The following ADAMTSL3 variants were observed in gnomAD, a reference collection of about 807,000 sequenced individuals.
ADAMTSL3 encodes ADAMTS-like protein 3.
ADAMTSL3 carries 128 observed loss-of-function variants against 201.7 expected under a neutral mutation model. The ratio of observed to expected loss-of-function variants is 0.63; its 90% confidence interval spans 0.55 to 0.73. ADAMTSL3 has a LOEUF of 0.73. Among genes scored for constraint, ADAMTSL3 ranks in the 30% least tolerant of loss-of-function variants. ADAMTSL3 has a pLI of 0.00. For synonymous variants in ADAMTSL3, 738 were observed against 748.4 expected, an observed-to-expected ratio of 0.99 and a Z score of 0.23; for missense variants, 1,990 against 2,119.6, an observed-to-expected ratio of 0.94 and a Z score of 1.20.
Position 83,785,264 on chromosome 15 carries a change from A to C in ADAMTSL3, c.317+11614A>C, listed in dbSNP as rs76736757. ...CCATGGACCACACTTCAAGCAGCAA[A>C]ATTTTATAGACTTTTTAATTTCAGG... On this transcript the variant is annotated intron_variant, in intron 4 of 29. Transcript: ENST00000286744. Among the ~76,000 whole-genome samples the C allele has an allele frequency of 9.4e-3, 1,432 of 152,270 alleles. 22 individuals carry two copies. The highest frequency in any genetic ancestry group is 0.032 in the African/African-American group (1,345 of 41,550).
rs118099557 is a variant in ADAMTSL3 at position 84,025,327 on chromosome 15, A to T, written c.4547A>T (p.Asn1516Ile). The change falls in exon 27 of 30, where the codon AAT becomes ATT. Residue 1516 changes from asparagine to isoleucine, a missense_variant. Physicochemically the swap from Asn to Ile is moderately radical, Grantham distance 149 (BLOSUM62 -3). Transcript: ENST00000286744. ...RQVTCKRTKA[N>I]GTVQVVSPRA... is the part of the protein sequence containing the mutation. ...GTGACGTGCAAGCGGACAAAAGCCA[A>T]TGGAACTGTGCAGGTGGTGTCTCCA... 12,404 of 1,614,160 alleles carry T rather than the reference A, an allele frequency of 7.7e-3. 66 individuals are homozygous for T. Among genetic ancestry groups the T allele is most frequent in the Non-Finnish European group, 9.8e-3 (11,573 of 1,180,012 alleles).
Position 83,982,670 on chromosome 15 carries a change from A to G in ADAMTSL3, c.3042A>G (p.Glu1014=). The change falls in exon 21 of 30, where the codon GAA becomes GAG. Residue 1014 remains glutamate, a synonymous_variant. Coordinates refer to ENST00000286744, the MANE Select transcript of ADAMTSL3 (RefSeq NM_207517.3). ...CAGCCCTCAGGGAGCCTATGAGGGA[A>G]TATCCTGGGATGGACCACAGCGAAG... is the stretch of plus-strand genomic sequence containing the variant. The part of the protein sequence containing the change: ...ARPALREPMR[E]YPGMDHSEAN... The G allele has an allele frequency of 6.2e-7, 1 of 1,614,184 alleles. No homozygotes were observed. Among genetic ancestry groups the G allele is most frequent in the Non-Finnish European group, 8.5e-7 (1 of 1,180,034 alleles).
At chr15:83,756,599 G>GC (rs35325384) in intron 3 of ADAMTSL3, among the ~76,000 whole-genome samples, 27,462 of 141,770 alleles carry the variant, frequency 0.19, 2,799 homozygotes, top group Middle Eastern at 0.32. Flanking sequence ...TTTCACCCCT[G>GC]CCCCCCCCCC....
chr15:83,896,664 A>G (rs994493296), intron 13 of ADAMTSL3, among the ~76,000 whole-genome samples: 2 of 152,126 alleles, frequency 1.3e-5, no homozygotes, highest in African/African-American at 4.8e-5. Flanking sequence ...CAATATTTCT[A>G]TAAACCCAAT....
At chr15:83,779,495 G>A (rs6602988) in intron 4 of ADAMTSL3, among the ~76,000 whole-genome samples, 40,883 of 151,674 alleles carry the variant, frequency 0.27, 5,754 homozygotes, top group South Asian at 0.55. Context: ...TCAGGAGATC[G>A]AGACCATCCT....
rs558988588 is a variant in ADAMTSL3 at position 84,022,792 on chromosome 15, G to T, written c.4457+1199G>T. On this transcript the variant is annotated intron_variant, in intron 26 of 29. Coordinates refer to ENST00000286744, the MANE Select transcript of ADAMTSL3 (RefSeq NM_207517.3). ...TTTTATCGCTTGTCTCTCCCACACTGGTTATTTGATCTCCTTCCATGCTGG... is the reference window on the plus strand; with the variant it reads ...TTTTATCGCTTGTCTCTCCCACACTTGTTATTTGATCTCCTTCCATGCTGG... 3.3e-5 allele frequency among the ~76,000 whole-genome samples: 5 copies of T among 152,224 alleles called. No individual in the cohort carries two copies. The South Asian group carries it at 1.0e-3, about 32-fold the overall frequency.
Position 83,891,328 on chromosome 15 carries a change from G to A in ADAMTSL3, c.1212-1G>A. ...TATTCTCACAATGATTTCATTTGTAGTGATGGATTTAAAGAGATAATGCCC... is the reference window on the plus strand; with the variant it reads ...TATTCTCACAATGATTTCATTTGTAATGATGGATTTAAAGAGATAATGCCC... On this transcript the variant is annotated splice_acceptor_variant, in intron 11 of 29. Coordinates refer to ENST00000286744, the MANE Select transcript of ADAMTSL3 (RefSeq NM_207517.3). LOFTEE classifies it high-confidence loss of function. 1 of 1,603,976 alleles carries A rather than the reference G, an allele frequency of 6.2e-7. No homozygotes were observed. The highest frequency in any genetic ancestry group is 8.5e-7 in the Non-Finnish European group (1 of 1,171,078).
intron 2 of ADAMTSL3, among the ~76,000 whole-genome samples, chr15:83,668,202 AATG>A (rs2061275780): frequency 6.6e-6 from 1 of 152,182 alleles, no homozygotes; most frequent in Non-Finnish European, 1.5e-5. Flanking sequence ...GTGATAGAAA[AATG>A]ATGACAAAGG....
At position 83,982,479 on chromosome 15, in the gene ADAMTSL3, C is replaced by T. The variant is rs775863035; in HGVS notation, c.2851C>T (p.Arg951Cys). ...TCTGATCCAGTGGGAGAAGGATGGC[C>T]GTTGCCTGCAGAACTCCAAACGGCT... ...KSLIQWEKDGRCLQNSKRLGI... is the reference protein window; with the variant it reads ...KSLIQWEKDGCCLQNSKRLGI... Residue 951 changes from arginine (R) to cysteine (C), a missense_variant, in exon 21 of 30, where the codon CGT becomes TGT. Arg to Cys is a radical substitution (Grantham distance 180). Transcript: ENST00000286744. 24 of 1,614,174 alleles carry T rather than the reference C, an allele frequency of 1.5e-5. No individual in the cohort carries two copies. In the Middle Eastern group the frequency reaches 4.9e-4, roughly 33 times the overall value.
In ADAMTSL3 at chr15:83,787,825, C is replaced by G. The variant is rs909091371; in HGVS notation, c.317+14175C>G. On this transcript the variant is annotated intron_variant, in intron 4 of 29. Transcript: ENST00000286744. ...TTCTCTTCCTTTCTCTCTCCCCCTC[C>G]CCCTCCTCTTTCTCCTTTCTCAACC... 7.9e-5 allele frequency among the ~76,000 whole-genome samples: 12 copies of G among 152,106 alleles called. 1 individual carries two copies. Among genetic ancestry groups the G allele is most frequent in the Admixed American group, 7.9e-4 (12 of 15,256 alleles).
chr15:83,658,396 A>G (rs544223322), intron 2 of ADAMTSL3, among the ~76,000 whole-genome samples: 9 of 152,358 alleles, frequency 5.9e-5, no homozygotes, highest in Admixed American at 2.6e-4. Flanking sequence ...GATGTGAGCC[A>G]CTGCGCCCGT....
chr15:83,943,100 C>G lies in ADAMTSL3; in HGVS notation c.2490+18C>G, dbSNP rs760542422. The G allele has an allele frequency of 6.3e-7, 1 of 1,580,342 alleles. No individual in the cohort carries two copies. Among genetic ancestry groups the G allele is most frequent in the South Asian group, 1.2e-5 (1 of 85,210 alleles). On this transcript the variant is annotated intron_variant, in intron 19 of 29. Coordinates refer to ENST00000286744, the MANE Select transcript of ADAMTSL3 (RefSeq NM_207517.3). ...GGTCGAAGGTAAGGGCCAGGCTCAACTTTATAGTCCCTTCTTTTCTGCCCC... is the reference window on the plus strand; with the variant it reads ...GGTCGAAGGTAAGGGCCAGGCTCAAGTTTATAGTCCCTTCTTTTCTGCCCC...
chr15:83,655,679 T>G, intron 1 of ADAMTSL3, 50 bp from the exon 2 acceptor site: 1 of 1,376,990 alleles, frequency 7.3e-7, no homozygotes, highest in Non-Finnish European at 1.0e-6. Context: ...CACGGTTTAC[T>G]GCCATGGGGG....
chr15:83,787,384 G>C (rs1214657736), intron 4 of ADAMTSL3, among the ~76,000 whole-genome samples: 2 of 152,122 alleles, frequency 1.3e-5, no homozygotes, highest in Non-Finnish European at 2.9e-5. Context: ...GAGAAATGAA[G>C]TAATGTATTT....
chr15:83,947,431 T>G (rs1291444107), intron 19 of ADAMTSL3, among the ~76,000 whole-genome samples: 3 of 152,226 alleles, frequency 2.0e-5, no homozygotes, highest in Non-Finnish European at 4.4e-5. Context: ...GGACCAAGCC[T>G]TAGGCAGAAA....
chr15:83,869,215 AT>A (rs145883412), intron 8 of ADAMTSL3, among the ~76,000 whole-genome samples: 5 of 150,588 alleles, frequency 3.3e-5, no homozygotes, highest in South Asian at 2.1e-4. Flanking sequence ...ATTGCTTATC[AT>A]TTTTTTTTCT....
At chr15:83,800,131 C>T (rs1567152906) in intron 4 of ADAMTSL3, among the ~76,000 whole-genome samples, 1 of 149,520 alleles carries the variant, frequency 6.7e-6, no homozygotes, top group Non-Finnish European at 1.5e-5. Flanking sequence ...AAAATAAAAA[C>T]GTTGCTACTG....
intron 22 of ADAMTSL3, among the ~76,000 whole-genome samples, chr15:83,989,161 C>A (rs112103633): frequency 1.3e-5 from 2 of 152,190 alleles, no homozygotes; most frequent in African/African-American, 2.4e-5. Flanking sequence ...GGATTACAGG[C>A]GTGAGCCACC....
At position 83,913,137 on chromosome 15, in the gene ADAMTSL3, G is replaced by A. The variant is rs12439867; in HGVS notation, c.1746G>A (p.Pro582=). Reference sequence around the variant, plus strand: ...CAGCCTGCAGTACCACGTGTGGGCCGGGTGTGCAGGTCCGTGAGGTGAAGT... The same window carrying A: ...CAGCCTGCAGTACCACGTGTGGGCCAGGTGTGCAGGTCCGTGAGGTGAAGT... The part of the protein sequence containing the change: ...PWSACSTTCG[P]GVQVREVKCR... Residue 582 remains proline, a synonymous_variant, in exon 16 of 30, where the codon CCG becomes CCA. Transcript: ENST00000286744. The A allele has an allele frequency of 0.25, 408,756 of 1,613,674 alleles. 58,422 individuals are homozygous for A. The highest frequency in any genetic ancestry group is 0.53 in the Admixed American group (31,946 of 59,970).
Sources: gnomAD v4.1 joint callset for allele counts (sites outside exome capture counted in the v4.1 genomes callset) on GRCh38, gnomAD v4.1.1 for gene constraint, MANE v1.5 for transcripts, NCBI Gene and HGNC (gene_info 2026-07-23, HGNC 2026-07-21) for gene names.